NVL: variants seen among roughly 807,000 people sequenced by gnomAD.
NVL encodes the protein nuclear VCP like.
In NVL, 84 loss-of-function variants were observed where a neutral mutation model predicts 110.2. That is an observed-to-expected ratio of 0.76 (90% CI 0.64 to 0.91). NVL has a LOEUF of 0.91. Ranked by LOEUF, NVL falls within the 40% of genes least tolerant of loss-of-function variation. The pLI, the probability that NVL is intolerant of heterozygous loss-of-function variation, is 0.00. For synonymous variants in NVL, 354 were observed against 361.1 expected (o/e 0.98, Z 0.22); for missense variants, 882 against 1,035.9 (o/e 0.85, Z 2.04).
Position 224,317,932 on chromosome 1 carries a change from T to A in NVL, c.132-2A>T. The A allele has an allele frequency of 1.9e-6, 3 of 1,581,382 alleles. No individual in the cohort carries two copies. The highest frequency in any genetic ancestry group is 2.6e-6 in the Non-Finnish European group (3 of 1,163,678). On this transcript the variant is annotated splice_acceptor_variant, in intron 2 of 22. Transcript: ENST00000281701. LOFTEE classifies it high-confidence loss of function. The stretch of plus-strand genomic sequence containing the variant: ...CTTTTTCTTCGACCATAGTCTATAC[T>A]GAAAAAAGAAAACAAGAAGTTTACC...
chr1:224,309,734 G>T (rs1269355455), intron 5 of NVL, among the ~76,000 whole-genome samples: 1 of 152,048 alleles, frequency 6.6e-6, no homozygotes, highest in Non-Finnish European at 1.5e-5. Flanking sequence ...CAAATTTTAA[G>T]AAATAAAGTG....
intron 18 of NVL, among the ~76,000 whole-genome samples, chr1:224,259,417 T>G (rs1052795915): frequency 1.3e-5 from 2 of 151,996 alleles, no homozygotes; most frequent in Non-Finnish European, 2.9e-5. Context: ...AAGATTAGAT[T>G]GTTGGGATGG....
intron 1 of NVL, among the ~76,000 whole-genome samples, 162 bp downstream of exon 1, chr1:224,329,909 C>T (rs974623815): frequency 6.6e-6 from 1 of 152,192 alleles, no homozygotes; most frequent in African/African-American, 2.4e-5. Flanking sequence ...GTAGGGAAGG[C>T]CCCGGCAGCA....
chr1:224,304,825 A>C lies in NVL; in HGVS notation c.749-13T>G, dbSNP rs1250452440. 2 of 1,609,842 alleles carry C rather than the reference A, an allele frequency of 1.2e-6. No homozygotes were observed. The highest frequency in any genetic ancestry group is 1.7e-6 in the Non-Finnish European group (2 of 1,176,146). ...CCCCTGGCTTTAGCTGGTAAACAAA[A>C]ATGAGGAGATGAAAAGATTAATGAT... On this transcript the variant is annotated splice_polypyrimidine_tract_variant and intron_variant, in intron 7 of 22. Transcript: ENST00000281701.
At chr1:224,309,595 AAAT>A (rs1414252672) in intron 5 of NVL, among the ~76,000 whole-genome samples, 1 of 152,194 alleles carries the variant, frequency 6.6e-6, no homozygotes, top group Admixed American at 6.5e-5. Context: ...AGCAAATTAT[AAAT>A]AATTTGACAA....
intron 13 of NVL, 51 bp from the exon 14 acceptor site, chr1:224,288,044 A>T: frequency 7.4e-7 from 1 of 1,344,454 alleles, no homozygotes. Flanking sequence ...CACAACAGCT[A>T]TTGAAAAGTT....
intron 18 of NVL, among the ~76,000 whole-genome samples, chr1:224,257,846 G>T (rs944870277): frequency 9.9e-5 from 15 of 152,056 alleles, no homozygotes; most frequent in African/African-American, 3.6e-4. Flanking sequence ...GGCCCGACAA[G>T]GGATATTGAC....
intron 2 of NVL, among the ~76,000 whole-genome samples, chr1:224,320,246 T>C (rs1453845435): frequency 1.3e-5 from 2 of 152,162 alleles, no homozygotes; most frequent in African/African-American, 2.4e-5. Context: ...ACTGTGGTTA[T>C]ATAATAAAAG....
At chr1:224,254,370 C>T (rs1417835637) in intron 18 of NVL, among the ~76,000 whole-genome samples, 2 of 144,842 alleles carry the variant, frequency 1.4e-5, no homozygotes, top group African/African-American at 5.1e-5. Context: ...GGATTACAGG[C>T]ATGAGCCACA....
chr1:224,322,780 C>T (rs1265767091), intron 2 of NVL, among the ~76,000 whole-genome samples: 2 of 152,110 alleles, frequency 1.3e-5, no homozygotes, highest in African/African-American at 4.8e-5. Flanking sequence ...ACAGTGAAAC[C>T]CTGTCGCTAC....
chr1:224,249,397 A>G (rs1176090211), intron 19 of NVL, among the ~76,000 whole-genome samples: 2 of 152,074 alleles, frequency 1.3e-5, no homozygotes, highest in African/African-American at 4.8e-5. Context: ...AAGTGCTGGG[A>G]TGACAGGTGT....
intron 5 of NVL, among the ~76,000 whole-genome samples, chr1:224,309,905 C>T (rs1306918724): frequency 6.6e-6 from 1 of 151,982 alleles, no homozygotes; most frequent in Non-Finnish European, 1.5e-5. Flanking sequence ...TGGCGCACAC[C>T]TTAATCTCAG....
intron 18 of NVL, among the ~76,000 whole-genome samples, chr1:224,259,426 G>GATA (rs1380588093): frequency 6.6e-6 from 1 of 151,942 alleles, no homozygotes; most frequent in Non-Finnish European, 1.5e-5. Context: ...TTGTTGGGAT[G>GATA]GCTGTAAAGC....
chr1:224,313,107 C>A (rs747591506), intron 4 of NVL: 22 of 375,042 alleles, frequency 5.9e-5, no homozygotes. Flanking sequence ...TGCGGTAAGC[C>A]ATGATTGTGC....
chr1:224,238,127 G>A (rs571840650), intron 19 of NVL, among the ~76,000 whole-genome samples: 3 of 151,598 alleles, frequency 2.0e-5, no homozygotes, highest in Non-Finnish European at 2.9e-5. Flanking sequence ...TCCACCTCCC[G>A]GGCTCAAGCC....
chr1:224,260,758 G>A lies in NVL; in HGVS notation c.2182+7276C>T, dbSNP rs566776557. Among the ~76,000 whole-genome samples the A allele has an allele frequency of 1.7e-4, 25 of 145,192 alleles. No individual in the cohort carries two copies. The East Asian group carries it at 4.5e-3, about 26-fold the overall frequency. ...GCTCTGTCATCCAGGCTGGAGTGCA[G>A]TGGTGCAATCATAGCTCACTGTGGC... On this transcript the variant is annotated intron_variant, in intron 18 of 22. Transcript: ENST00000281701.
intron 18 of NVL, among the ~76,000 whole-genome samples, chr1:224,263,804 T>C (rs1366752994): frequency 2.0e-5 from 3 of 149,312 alleles, no homozygotes; most frequent in Non-Finnish European, 4.4e-5. Context: ...TTTTTCAATG[T>C]ATAAAGTAAA....
chr1:224,267,792 C>T lies in NVL; in HGVS notation c.2182+242G>A, dbSNP rs1212306618. 3.3e-5 allele frequency among the ~76,000 whole-genome samples: 5 copies of T among 151,784 alleles called. No individual in the cohort carries two copies. In the East Asian group the frequency reaches 9.7e-4, roughly 29 times the overall value. ...ATCTCATGGGATCCAAGCAGTAATA[C>T]TATACTTTTTACTATAGCTTATGCA... On this transcript the variant is annotated intron_variant, in intron 18 of 22. Transcript: ENST00000281701.
chr1:224,324,627 T>A (rs895891418), intron 2 of NVL, among the ~76,000 whole-genome samples: 1 of 152,062 alleles, frequency 6.6e-6, no homozygotes, highest in Non-Finnish European at 1.5e-5. Context: ...AGAGATGGGG[T>A]CTCACTATGT....
Sources: gnomAD v4.1 joint callset for allele counts (sites outside exome capture counted in the v4.1 genomes callset) on GRCh38, gnomAD v4.1.1 for gene constraint, MANE v1.5 for transcripts, NCBI Gene and HGNC (gene_info 2026-07-23, HGNC 2026-07-21) for gene names.